TPR: variants seen among roughly 807,000 people sequenced by gnomAD.
TPR encodes the protein nucleoprotein TPR.
TPR carries 51 observed loss-of-function variants against 316.1 expected under a neutral mutation model. That is an observed-to-expected ratio of 0.16 (90% CI 0.13 to 0.20). TPR has a LOEUF of 0.20. TPR is among the 10% of genes least tolerant of loss of function. TPR has a pLI of 1.00. For missense variants in TPR, 2,272 were observed against 2,754.8 expected, an observed-to-expected ratio of 0.82 and a Z score of 3.92; for synonymous variants, 981 against 914.7, an observed-to-expected ratio of 1.07 and a Z score of -1.31.
Position 186,312,897 on chromosome 1 carries a change from A to C in TPR, c.*1074T>G. The C allele has an allele frequency of 5.6e-6, 9 of 1,611,248 alleles. No homozygotes were observed. Among genetic ancestry groups the C allele is most frequent in the Non-Finnish European group, 7.6e-6 (9 of 1,177,386 alleles). ...TGATTACTATGCCTTTTCTAAAGGT[A>C]AGGTATTAACTAACAGTTTCCCAAG... On this transcript the variant is annotated 3_prime_UTR_variant, in exon 51 of 51. Coordinates refer to ENST00000367478, the MANE Select transcript of TPR (RefSeq NM_003292.3).
At chr1:186,343,849 T>C in intron 26 of TPR, 57 bp downstream of exon 26, 1 of 1,376,098 alleles carries the variant, frequency 7.3e-7, no homozygotes, top group Non-Finnish European at 1.0e-6. Context: ...TATATATTTG[T>C]AGTTTCATTT....
intron 12 of TPR, 140 bp from the exon 13 acceptor site, chr1:186,358,790 A>G (rs1659099936): frequency 1.5e-6 from 1 of 664,356 alleles, no homozygotes; most frequent in South Asian, 2.0e-5. Context: ...TAGCCACTAA[A>G]AAAGAAGTTT....
rs1658395134 is a variant in TPR, at chr1:186,338,143, C to T, written c.4252G>A (p.Asp1418Asn). The change falls in exon 31 of 51, where the codon GAT (aspartate) becomes AAT (asparagine). Residue 1418 changes from aspartate (D) to asparagine (N), a missense_variant. Physicochemically the swap from Asp to Asn is conservative, Grantham distance 23. Coordinates refer to ENST00000367478, the MANE Select transcript of TPR (RefSeq NM_003292.3). ...TEKETIQKDLDAKIIDIQEKV... is the reference protein window; with the variant it reads ...TEKETIQKDLNAKIIDIQEKV... ...TCTTGGATATCAATTATTTTGGCAT[C>T]TAAGTCCTTCTGGATGGTTTCCTTT... 2 of 1,612,764 alleles carry T rather than the reference C, an allele frequency of 1.2e-6. No homozygotes were observed. The highest frequency in any genetic ancestry group is 2.2e-5 in the South Asian group (2 of 91,046).
At chr1:186,336,890 C>A (rs1369621117) in intron 32 of TPR, 123 bp downstream of exon 32, 3 of 1,471,712 alleles carry the variant, frequency 2.0e-6, no homozygotes, top group Non-Finnish European at 1.8e-6. Flanking sequence ...ATGAGCCATT[C>A]AAAGTAAAAA....
chr1:186,320,475 A>G, intron 45 of TPR, 57 bp from the exon 46 acceptor site: 2 of 1,429,070 alleles, frequency 1.4e-6, no homozygotes, highest in Non-Finnish European at 1.9e-6. Flanking sequence ...TTTAAACCAC[A>G]ATGGTGAAAA....
At chr1:186,366,158 T>C (rs995511505) in intron 4 of TPR, among the ~76,000 whole-genome samples, 10 of 152,120 alleles carry the variant, frequency 6.6e-5, no homozygotes, top group African/African-American at 1.9e-4. Flanking sequence ...AGACAGAAAT[T>C]AGGCTGTATT....
chr1:186,355,293 T>G (rs578103990), intron 17 of TPR, 117 bp downstream of exon 17: 2 of 1,076,016 alleles, frequency 1.9e-6, no homozygotes, highest in African/African-American at 3.2e-5. Context: ...GTTCTCATTC[T>G]GGAACACAGT....
At chr1:186,354,615 T>C (rs1658968805) in intron 17 of TPR, among the ~76,000 whole-genome samples, 1 of 152,162 alleles carries the variant, frequency 6.6e-6, no homozygotes, top group African/African-American at 2.4e-5. Flanking sequence ...TATATAAAAA[T>C]AAATATTGTC....
rs781727629 is a variant in TPR at position 186,314,655 on chromosome 1, C to T, written c.7010G>A (p.Arg2337His). The change falls in exon 50 of 51, where the codon CGT becomes CAT. Residue 2337 changes from arginine to histidine, a missense_variant. Physicochemically the swap from Arg to His is conservative, Grantham distance 29. Coordinates refer to ENST00000367478, the MANE Select transcript of TPR (RefSeq NM_003292.3). ...RLQTTLRQGV[R>H]GRQFNRQRGV... ...TCTCTGTCTGTTAAACTGACGACCA[C>T]GGACACCTTGTCTCAATGTTGTCTG... 34 of 1,611,940 alleles carry T rather than the reference C, an allele frequency of 2.1e-5. No individual in the cohort carries two copies. In the East Asian group the frequency reaches 4.7e-4, roughly 22 times the overall value.
Position 186,312,550 on chromosome 1 carries a change from T to C in TPR, c.*1421A>G. 3 of 808,594 alleles carry C rather than the reference T, an allele frequency of 3.7e-6. No individual in the cohort carries two copies. The highest frequency in any genetic ancestry group is 5.7e-6 in the Non-Finnish European group (3 of 524,002). 50.1% of individuals were successfully genotyped at this position (808,594 alleles called of 1,614,324 possible). ...TAACCAAAGACCAATACTTTCTTTT[T>C]CCTTGTGGGTAAGTAAAGCAGTTTG... On this transcript the variant is annotated 3_prime_UTR_variant, in exon 51 of 51. Coordinates refer to ENST00000367478, the MANE Select transcript of TPR (RefSeq NM_003292.3).
At chr1:186,337,984 A>C in intron 31 of TPR, 49 bp downstream of exon 31, 1 of 1,426,372 alleles carries the variant, frequency 7.0e-7, no homozygotes. Context: ...ATAAGATTTC[A>C]TAACATTCAT....
Position 186,355,731 on chromosome 1 carries a change from T to C in TPR, c.1926A>G (p.Pro642=). The change falls in exon 16 of 51, where the codon CCA becomes CCG. Residue 642 remains proline, a synonymous_variant. Transcript: ENST00000367478. ...CAGTCTGTGATGTACTTGGACGTTTTGGAGTTGATGCAAGAGAAACATCAT... is the reference window on the plus strand; with the variant it reads ...CAGTCTGTGATGTACTTGGACGTTTCGGAGTTGATGCAAGAGAAACATCAT... ...SLDDVSLAST[P]KRPSTSQTVS... 1 of 1,614,124 alleles carries C rather than the reference T, an allele frequency of 6.2e-7. No individual in the cohort carries two copies. Among genetic ancestry groups the C allele is most frequent in the Non-Finnish European group, 8.5e-7 (1 of 1,180,016 alleles).
rs1277612134 is a variant in TPR at position 186,350,295 on chromosome 1, C to T, written c.2704G>A (p.Ala902Thr). ...TTACTGAGGTGCTGTTTCAATGTGG[C>T]AATTTCTTTTTGAGCATTTTTTAAT... ...ELLKNAQKEI[A>T]TLKQHLSNME... The change falls in exon 21 of 51, where the codon GCC (alanine) becomes ACC (threonine). Residue 902 changes from alanine (A) to threonine (T), a missense_variant. Coordinates refer to ENST00000367478, the MANE Select transcript of TPR (RefSeq NM_003292.3). 6.2e-7 allele frequency: 1 copy of T among 1,613,630 alleles called. No homozygotes were observed. Among genetic ancestry groups the T allele is most frequent in the Non-Finnish European group, 8.5e-7 (1 of 1,179,828 alleles).
rs1465122363 is a variant in TPR, at chr1:186,360,287, T to C, written c.1177A>G (p.Met393Val). Residue 393 changes from methionine (M) to valine (V), a missense_variant, in exon 11 of 51, where the codon ATG becomes GTG. By Grantham distance (21) the Met-to-Val change is conservative. Transcript: ENST00000367478. Reference sequence around the variant, plus strand: ...ACCATTCTTACCTCAGTTAGTTTCATCCCAGGTTTCACTATCTTAGCTACA... The same window carrying C: ...ACCATTCTTACCTCAGTTAGTTTCACCCCAGGTTTCACTATCTTAGCTACA... ...AAVAKIVKPG[M>V]KLTELYNAYV... The C allele has an allele frequency of 6.2e-7, 1 of 1,613,298 alleles. No individual in the cohort carries two copies. Among genetic ancestry groups the C allele is most frequent in the South Asian group, 1.1e-5 (1 of 91,048 alleles).
chr1:186,344,274 A>C, intron 25 of TPR, 101 bp downstream of exon 25: 1 of 1,431,236 alleles, frequency 7.0e-7, no homozygotes, highest in Non-Finnish European at 9.5e-7. Flanking sequence ...GCACTCCAGC[A>C]TGGGTGACAG....
chr1:186,346,400 A>G (rs1658677363), intron 22 of TPR, 113 bp from the exon 23 acceptor site: 3 of 1,104,716 alleles, frequency 2.7e-6, no homozygotes, highest in Admixed American at 6.2e-5. Context: ...TGTTTGTTGT[A>G]TATTAAAAAA....
intron 25 of TPR, 37 bp downstream of exon 25, chr1:186,344,338 A>C (rs1422832150): frequency 2.8e-5 from 44 of 1,590,144 alleles, no homozygotes; most frequent in Non-Finnish European, 3.7e-5. Context: ...AACTCTTTCA[A>C]TTCAACAGAA....
At chr1:186,332,885 C>G (rs1483993303) in intron 37 of TPR, among the ~76,000 whole-genome samples, 1 of 151,948 alleles carries the variant, frequency 6.6e-6, no homozygotes, top group Non-Finnish European at 1.5e-5. Context: ...TAGTCATATT[C>G]AGTAGTAAAC....
At chr1:186,328,527 T>C (rs1458112650) in intron 39 of TPR, among the ~76,000 whole-genome samples, 1 of 151,914 alleles carries the variant, frequency 6.6e-6, no homozygotes, top group South Asian at 2.1e-4. Flanking sequence ...TAGTGCACAA[T>C]ACAGCTGCAG....
Sources: gnomAD v4.1 joint callset for allele counts (sites outside exome capture counted in the v4.1 genomes callset) on GRCh38, gnomAD v4.1.1 for gene constraint, MANE v1.5 for transcripts, NCBI Gene and HGNC (gene_info 2026-07-23, HGNC 2026-07-21) for gene names.